Variants in OR4F16 observed in about 807,000 individuals in gnomAD.
The protein encoded by OR4F16 is olfactory receptor 4F3/4F16/4F29.
At chr1:717,268 T>TA in the OR4F16 span, among the ~76,000 whole-genome samples, 1 of 151,246 alleles carries the variant, frequency 6.6e-6, no homozygotes, top group Non-Finnish European at 1.5e-5. Context: ...CTCTCACAGA[T>TA]AGGGATCCAG....
At chr1:701,416 A>C in the OR4F16 span, among the ~76,000 whole-genome samples, 2 of 149,814 alleles carry the variant, frequency 1.3e-5, no homozygotes, top group Non-Finnish European at 2.9e-5. Context: ...TCAACTAAAG[A>C]AAAAAATTAA....
chr1:690,101 G>A (rs1643037707), upstream of OR4F16, among the ~76,000 whole-genome samples: 1 of 114,876 alleles, frequency 8.7e-6, no homozygotes. Flanking sequence ...TCGCCCTGTT[G>A]GACTCACAGA....
At chr1:715,137 CT>C in the OR4F16 span, among the ~76,000 whole-genome samples, 1 of 23,336 alleles carries the variant, frequency 4.3e-5, no homozygotes, top group Non-Finnish European at 8.2e-5. Flanking sequence ...AACTTTTCAT[CT>C]CAGCAGGAGG....
At chr1:710,146 TATC>T in the OR4F16 span, among the ~76,000 whole-genome samples, 2 of 123,004 alleles carry the variant, frequency 1.6e-5, no homozygotes, top group South Asian at 3.2e-4. Context: ...AAAAAAATAA[TATC>T]ATATTCTTTA....
the OR4F16 span, among the ~76,000 whole-genome samples, chr1:679,896 G>T: frequency 8.1e-6 from 1 of 124,190 alleles, no homozygotes; most frequent in Admixed American, 7.9e-5. Flanking sequence ...CCAAAATTTG[G>T]CAGAGACACA....
the OR4F16 span, among the ~76,000 whole-genome samples, chr1:717,228 A>G: frequency 6.6e-6 from 1 of 150,932 alleles, no homozygotes; most frequent in Non-Finnish European, 1.5e-5. Context: ...AGATAATGGG[A>G]GAATGTTGAA....
chr1:716,346 TTTC>T, the OR4F16 span, among the ~76,000 whole-genome samples: 1 of 133,822 alleles, frequency 7.5e-6, no homozygotes, highest in Non-Finnish European at 1.6e-5. Flanking sequence ...TTAGAACAAT[TTTC>T]TTATTCACAC....
At chr1:715,729 G>A in the OR4F16 span, among the ~76,000 whole-genome samples, 2 of 126,546 alleles carry the variant, frequency 1.6e-5, no homozygotes, top group South Asian at 2.6e-4. Context: ...CTACTTGGGA[G>A]GCTGAGGTGG....
At chr1:701,885 A>G in the OR4F16 span, 3 of 151,782 alleles carry the variant, frequency 2.0e-5, no homozygotes, top group East Asian at 5.9e-4. Context: ...CAGTCTACCT[A>G]TGTAACAAAT....
At chr1:713,587 T>C in the OR4F16 span, among the ~76,000 whole-genome samples, 3 of 123,108 alleles carry the variant, frequency 2.4e-5, no homozygotes. Context: ...TACCACTTCA[T>C]TTCTTCTTTT....
chr1:680,176 T>A, the OR4F16 span, among the ~76,000 whole-genome samples: 45 of 77,784 alleles, frequency 5.8e-4, 1 homozygote, highest in African/African-American at 2.2e-3. Context: ...CCCTTCATGC[T>A]AAAAACTCTC....
At chr1:691,714 C>T in the OR4F16 span, among the ~76,000 whole-genome samples, 1 of 80,836 alleles carries the variant, frequency 1.2e-5, no homozygotes, top group African/African-American at 4.7e-5. Flanking sequence ...ATGTGTTGAC[C>T]AGCCAAGGCA....
chr1:713,509 T>C, the OR4F16 span, among the ~76,000 whole-genome samples: 4 of 139,478 alleles, frequency 2.9e-5, no homozygotes, highest in Non-Finnish European at 4.4e-5. Context: ...TCTATCTCAA[T>C]TGGATCTATC....
At chr1:690,344 A>G (rs796080362), upstream of OR4F16, among the ~76,000 whole-genome samples, 2,530 of 107,316 alleles carry the variant, frequency 0.024, no homozygotes, top group African/African-American at 0.042. Context: ...GCTACTGAAG[A>G]TCACAGTAGA....
the OR4F16 span, among the ~76,000 whole-genome samples, chr1:701,331 G>A: frequency 5.3e-5 from 8 of 149,896 alleles, no homozygotes; most frequent in African/African-American, 1.3e-4. Flanking sequence ...ATTAGAAAAC[G>A]CTTGCCTGGA....
chr1:715,785 T>C, the OR4F16 span, among the ~76,000 whole-genome samples: 2 of 148,754 alleles, frequency 1.3e-5, no homozygotes, highest in African/African-American at 2.5e-5. Context: ...TGAGCTGTGA[T>C]TGCACCACTG....
the OR4F16 span, among the ~76,000 whole-genome samples, chr1:713,325 T>G: frequency 1.8e-5 from 1 of 54,768 alleles, no homozygotes; most frequent in Non-Finnish European, 3.0e-5. Context: ...AACATGTTAG[T>G]TGATACCAGA....
the OR4F16 span, among the ~76,000 whole-genome samples, chr1:676,768 G>C: frequency 3.3e-5 from 4 of 121,554 alleles, 2 homozygotes; most frequent in Non-Finnish European, 6.3e-5. Context: ...GGGAAAGGGC[G>C]CCTGTGGGCA....
chr1:700,431 ACACTTAATGGACT>A, the OR4F16 span, among the ~76,000 whole-genome samples: 4 of 4,216 alleles, frequency 9.5e-4, no homozygotes, highest in African/African-American at 1.4e-3. Flanking sequence ...GAAGAAAAAG[ACACTTAATGGACT>A]CACATTTCCA....
Sources: gnomAD v4.1 joint callset for allele counts (sites outside exome capture counted in the v4.1 genomes callset) on GRCh38, gnomAD v4.1.1 for gene constraint, MANE v1.5 for transcripts, NCBI Gene and HGNC (gene_info 2026-07-23, HGNC 2026-07-21) for gene names.